Variants in BRINP3 observed in about 807,000 individuals in gnomAD.
BRINP3 encodes BMP/retinoic acid inducible neural specific 3.
In BRINP3, 19 loss-of-function variants were observed where a neutral mutation model predicts 71.0. That is an observed-to-expected ratio of 0.27 (90% confidence interval 0.19 to 0.39). BRINP3 has a LOEUF of 0.39. BRINP3 is among the 10% of genes least tolerant of loss of function. The probability of loss-of-function intolerance (pLI) is 1.00; values close to 1 mark genes in which losing one functional copy is unlikely to be tolerated. For synonymous variants in BRINP3, 380 were observed against 337.7 expected (o/e 1.13, Z -1.37); for missense variants, 959 against 940.8 (o/e 1.02, Z -0.25).
intron 2 of BRINP3, among the ~76,000 whole-genome samples, chr1:190,390,670 T>G (rs1454828265): frequency 1.3e-5 from 2 of 151,798 alleles, no homozygotes; most frequent in African/African-American, 2.4e-5. Context: ...CTGGCCCTGT[T>G]GTATTAGTAT....
At chr1:190,446,249 A>T (rs1433166508) in intron 2 of BRINP3, among the ~76,000 whole-genome samples, 1 of 152,074 alleles carries the variant, frequency 6.6e-6, no homozygotes, top group Non-Finnish European at 1.5e-5. Flanking sequence ...TTGTTGTTGA[A>T]CACATATATT....
chr1:190,337,140 G>A (rs961552051), intron 2 of BRINP3, among the ~76,000 whole-genome samples: 4 of 151,762 alleles, frequency 2.6e-5, no homozygotes, highest in Admixed American at 6.6e-5. Flanking sequence ...TCTGCATACC[G>A]CCATGGTAGA....
At position 190,150,207 on chromosome 1, in the gene BRINP3, A is replaced by G. The variant is rs79528387; in HGVS notation, c.1184+10461T>C. On this transcript the variant is annotated intron_variant, in intron 7 of 7. Coordinates refer to ENST00000367462, the MANE Select transcript of BRINP3 (RefSeq NM_199051.3). The stretch of plus-strand genomic sequence containing the variant: ...CAGATTTCAGTCATATGCCATTTTA[A>G]TGAGTTGGTATATATGTGCATATGC... 1.7e-3 allele frequency among the ~76,000 whole-genome samples: 253 copies of G among 152,078 alleles called. 1 individual carries two copies. Among genetic ancestry groups the G allele is most frequent in the East Asian group, 6.2e-3 (32 of 5,144 alleles).
At chr1:190,104,907 C>T (rs1652017588) in intron 7 of BRINP3, among the ~76,000 whole-genome samples, 1 of 152,038 alleles carries the variant, frequency 6.6e-6, no homozygotes, top group South Asian at 2.1e-4. Flanking sequence ...ACTTTAAAAC[C>T]TAAACTATAT....
At chr1:190,200,343 T>A (rs188900991) in intron 6 of BRINP3, among the ~76,000 whole-genome samples, 142 of 152,232 alleles carry the variant, frequency 9.3e-4, no homozygotes, top group African/African-American at 2.5e-3. Context: ...ATTTTAGACT[T>A]CAGATGAATT....
chr1:190,365,835 T>TATACACAC (rs1553303272), intron 2 of BRINP3, among the ~76,000 whole-genome samples: 69 of 136,746 alleles, frequency 5.0e-4, no homozygotes, highest in Admixed American at 1.9e-3. Context: ...TATATATATA[T>TATACACAC]ACACACACAC....
At chr1:190,378,693 G>C (rs1390882592) in intron 2 of BRINP3, among the ~76,000 whole-genome samples, 1 of 152,218 alleles carries the variant, frequency 6.6e-6, no homozygotes, top group Non-Finnish European at 1.5e-5. Context: ...GCATGCTCTA[G>C]AGCAGTTCTA....
At chr1:190,242,956 A>T (rs1659248180) in intron 4 of BRINP3, among the ~76,000 whole-genome samples, 1 of 152,116 alleles carries the variant, frequency 6.6e-6, no homozygotes. Flanking sequence ...TGTTACCATG[A>T]GGCCAGGCAC....
chr1:190,407,825 G>A (rs1211676490), intron 2 of BRINP3, among the ~76,000 whole-genome samples: 1 of 151,952 alleles, frequency 6.6e-6, no homozygotes, highest in Non-Finnish European at 1.5e-5. Context: ...AATATCACAT[G>A]AACACCTAAA....
At chr1:190,357,183 G>A (rs111613750) in intron 2 of BRINP3, among the ~76,000 whole-genome samples, 1 of 151,932 alleles carries the variant, frequency 6.6e-6, no homozygotes, top group Non-Finnish European at 1.5e-5. Context: ...TTTCAGATCA[G>A]TTAGTTGCAA....
At chr1:190,327,255 C>T (rs1239570318) in intron 2 of BRINP3, among the ~76,000 whole-genome samples, 2 of 128,480 alleles carry the variant, frequency 1.6e-5, no homozygotes, top group Admixed American at 9.6e-5. Flanking sequence ...GCGGAGGTTG[C>T]AGGGAGTCAA....
At chr1:190,475,676 G>C (rs1677450376) in intron 1 of BRINP3, 1 of 152,210 alleles carries the variant, frequency 6.6e-6, no homozygotes, top group Admixed American at 6.5e-5. Flanking sequence ...GTCGCCTGTT[G>C]ATAACCCTCC....
intron 2 of BRINP3, among the ~76,000 whole-genome samples, chr1:190,408,850 A>G (rs1038617490): frequency 1.3e-5 from 2 of 152,166 alleles, no homozygotes; most frequent in Non-Finnish European, 2.9e-5. Context: ...ATGGTACAAT[A>G]TCAATACTGG....
At position 190,281,551 on chromosome 1, in the gene BRINP3, G is replaced by A. The variant is rs1663039955; in HGVS notation, c.427+9C>T. On this transcript the variant is annotated intron_variant, in intron 3 of 7. Coordinates refer to ENST00000367462, the MANE Select transcript of BRINP3 (RefSeq NM_199051.3). ...ACACACAGGCACAAATAGGTTCAAA[G>A]AGCCGTACCTCCCAGAGTAGCAGAT... 3 of 1,610,882 alleles carry A rather than the reference G, an allele frequency of 1.9e-6. No individual in the cohort carries two copies. Among genetic ancestry groups the A allele is most frequent in the Non-Finnish European group, 1.7e-6 (2 of 1,178,200 alleles).
intron 2 of BRINP3, among the ~76,000 whole-genome samples, chr1:190,432,612 GC>G (rs550595172): frequency 2.6e-4 from 39 of 152,258 alleles, no homozygotes; most frequent in African/African-American, 9.4e-4. Context: ...AGAACTCTCT[GC>G]TTTTGCCTAT....
At chr1:190,420,991 G>A (rs2102458408) in intron 2 of BRINP3, among the ~76,000 whole-genome samples, 1 of 151,748 alleles carries the variant, frequency 6.6e-6, no homozygotes, top group East Asian at 1.9e-4. Flanking sequence ...TATGACTTTA[G>A]CAAATATAAG....
chr1:190,172,366 G>T (rs1191838921), intron 6 of BRINP3, among the ~76,000 whole-genome samples: 3 of 151,246 alleles, frequency 2.0e-5, no homozygotes, highest in Non-Finnish European at 4.4e-5. Context: ...TTTCTTAGTT[G>T]TTGAAGACAT....
intron 6 of BRINP3, among the ~76,000 whole-genome samples, chr1:190,196,616 T>C: frequency 6.6e-6 from 1 of 152,122 alleles, no homozygotes; most frequent in East Asian, 1.9e-4. Flanking sequence ...TTGGTCATTA[T>C]TGCTGCCTGT....
intron 7 of BRINP3, among the ~76,000 whole-genome samples, chr1:190,150,293 T>C (rs1656277880): frequency 6.6e-6 from 1 of 150,768 alleles, no homozygotes; most frequent in Admixed American, 6.6e-5. Flanking sequence ...TGTGTGTACA[T>C]ACATAGATAC....
Sources: allele counts gnomAD v4.1 joint callset (sites outside exome capture counted in the v4.1 genomes callset), GRCh38; gene constraint gnomAD v4.1.1; transcripts MANE v1.5; gene names NCBI Gene and HGNC (gene_info 2026-07-23, HGNC 2026-07-21).